Variants in CNTN1 observed in about 807,000 individuals in gnomAD.
The protein encoded by CNTN1 is contactin 1.
A neutral mutation model predicts 126.4 loss-of-function variants in CNTN1; 38 were observed. That is an observed-to-expected ratio of 0.30 (90% CI 0.23 to 0.39). The LOEUF (loss-of-function observed/expected upper bound fraction) is 0.39. CNTN1 is among the 10% of genes least tolerant of loss of function. The pLI is 1.00. For missense variants in CNTN1, 1,009 were observed against 1,248.4 expected (o/e 0.81, Z 2.89); for synonymous variants, 413 against 422.6 (o/e 0.98, Z 0.28).
At chr12:40,975,798 A>G (rs1438562235) in intron 15 of CNTN1, among the ~76,000 whole-genome samples, 1 of 152,192 alleles carries the variant, frequency 6.6e-6, no homozygotes, top group Non-Finnish European at 1.5e-5. Context: ...AATCAAAAAA[A>G]TCAACACTGA....
rs74893121 is a variant in CNTN1, at chr12:41,016,451, C to T, written c.2185-231C>T. On this transcript the variant is annotated intron_variant, in intron 18 of 23. Coordinates refer to ENST00000551295, the MANE Select transcript of CNTN1 (RefSeq NM_001843.4). The stretch of plus-strand genomic sequence containing the variant: ...AGAAGAAACTGAAAGGAAAAAGGCC[C>T]GGAGTGAGAGGCCCCTGAGGTGTTC... 0.079 allele frequency among the ~76,000 whole-genome samples: 11,952 copies of T among 152,026 alleles called. 631 individuals are homozygous for T. The highest frequency in any genetic ancestry group is 0.11 in the Non-Finnish European group (7,238 of 67,956).
intron 1 of CNTN1, among the ~76,000 whole-genome samples, chr12:40,864,909 C>A (rs1236872835): frequency 6.6e-6 from 1 of 152,056 alleles, no homozygotes; most frequent in Non-Finnish European, 1.5e-5. Context: ...GGCAAAGTTA[C>A]CACCAAACTG....
In CNTN1 at chr12:41,059,204, G is replaced by C. The variant is rs74848683; in HGVS notation, c.2981-10755G>C. Among the ~76,000 whole-genome samples, 1,155 of 151,586 alleles carry C rather than the reference G, an allele frequency of 7.6e-3. 11 individuals are homozygous for C. Among genetic ancestry groups the C allele is most frequent in the African/African-American group, 0.027 (1,110 of 40,972 alleles). On this transcript the variant is annotated intron_variant, in intron 23 of 23. Transcript: ENST00000551295. ...CTTAATGCCCTTAATACCAAATACC[G>C]ATCTTAATACCAAATACCAAAATAC...
rs534661685 is a variant in CNTN1 at position 40,767,573 on chromosome 12, G to T, written c.-77+74981G>T. ...TCCGCCCGCCTTGGCCTCCCAAAGT[G>T]CTGGGATTACAGGCATGAGCCACGG... On this transcript the variant is annotated intron_variant, in intron 1 of 23. Coordinates refer to ENST00000551295, the MANE Select transcript of CNTN1 (RefSeq NM_001843.4). 2.6e-5 allele frequency among the ~76,000 whole-genome samples: 4 copies of T among 151,862 alleles called. No homozygotes were observed. In the South Asian group the frequency reaches 8.3e-4, roughly 32 times the overall value.
intron 1 of CNTN1, among the ~76,000 whole-genome samples, chr12:40,862,170 T>C (rs312280): frequency 0.69 from 104,856 of 151,628 alleles, 36,940 homozygotes; most frequent in African/African-American, 0.84. Context: ...TACCACTGCA[T>C]TCCAGTCTGG....
intron 1 of CNTN1, among the ~76,000 whole-genome samples, chr12:40,811,868 G>T (rs747599329): frequency 7.0e-6 from 1 of 143,100 alleles, no homozygotes. Flanking sequence ...ATTTTCTATT[G>T]TTTTTCCATT....
chr12:40,721,430 A>G (rs955110402), intron 1 of CNTN1, among the ~76,000 whole-genome samples: 2 of 152,110 alleles, frequency 1.3e-5, no homozygotes, highest in African/African-American at 4.8e-5. Context: ...TTTCCCTGCC[A>G]AAGAGAAATG....
intron 1 of CNTN1, among the ~76,000 whole-genome samples, chr12:40,736,387 A>G (rs2121286246): frequency 6.6e-6 from 1 of 152,196 alleles, no homozygotes; most frequent in Non-Finnish European, 1.5e-5. Flanking sequence ...AGTATAAGAT[A>G]TGGTTTAAGA....
At chr12:40,923,641 T>C (rs186926856) in intron 5 of CNTN1, among the ~76,000 whole-genome samples, 1 of 152,186 alleles carries the variant, frequency 6.6e-6, no homozygotes, top group African/African-American at 2.4e-5. Flanking sequence ...AAAAACCAAT[T>C]TCAAGGATGG....
At chr12:40,829,019 A>C (rs896573307) in intron 1 of CNTN1, among the ~76,000 whole-genome samples, 6 of 152,202 alleles carry the variant, frequency 3.9e-5, no homozygotes, top group Admixed American at 6.5e-5. Context: ...GACCCACTAC[A>C]TAAGATCCAA....
chr12:40,877,215 T>G (rs751690421), intron 1 of CNTN1, among the ~76,000 whole-genome samples: 1 of 152,202 alleles, frequency 6.6e-6, no homozygotes, highest in Non-Finnish European at 1.5e-5. Flanking sequence ...CAGGCATATT[T>G]AGACAGTTTT....
chr12:40,750,785 G>T (rs531684935), intron 1 of CNTN1, among the ~76,000 whole-genome samples: 2 of 152,158 alleles, frequency 1.3e-5, no homozygotes, highest in East Asian at 3.9e-4. Flanking sequence ...TTATCTTGAG[G>T]ATCTTATGTT....
chr12:40,919,081 T>C (rs1945345901), intron 4 of CNTN1, among the ~76,000 whole-genome samples: 1 of 152,186 alleles, frequency 6.6e-6, no homozygotes, highest in Admixed American at 6.6e-5. Context: ...AAATTATGCA[T>C]AATTTAAATA....
chr12:41,039,968 G>A (rs1311073222), intron 23 of CNTN1, among the ~76,000 whole-genome samples: 3 of 152,064 alleles, frequency 2.0e-5, no homozygotes, highest in Non-Finnish European at 4.4e-5. Context: ...TGGAATCAGT[G>A]TCTCAAAAAT....
rs148883767 is a variant in CNTN1 at position 40,932,299 on chromosome 12, G to T, written c.704-1162G>T. The stretch of plus-strand genomic sequence containing the variant: ...TGAATAAGTCTCATGAGATCTGATG[G>T]TTGTATAAAGGGGAGTTCCCCTGCA... On this transcript the variant is annotated intron_variant, in intron 7 of 23. Coordinates refer to ENST00000551295, the MANE Select transcript of CNTN1 (RefSeq NM_001843.4). Among the ~76,000 whole-genome samples, 495 of 152,028 alleles carry T rather than the reference G, an allele frequency of 3.3e-3. 4 individuals carry two copies. Among genetic ancestry groups the T allele is most frequent in the Non-Finnish European group, 3.8e-3 (257 of 67,928 alleles).
At chr12:40,834,382 T>C (rs1941968119) in intron 1 of CNTN1, among the ~76,000 whole-genome samples, 1 of 152,178 alleles carries the variant, frequency 6.6e-6, no homozygotes, top group Non-Finnish European at 1.5e-5. Context: ...AAATAAACTT[T>C]TGAAAAACTC....
chr12:41,051,966 T>A (rs1949697306), intron 23 of CNTN1, among the ~76,000 whole-genome samples: 1 of 150,282 alleles, frequency 6.7e-6, no homozygotes, highest in South Asian at 2.1e-4. Flanking sequence ...AAATAATCCA[T>A]TCTCTGTGAG....
intron 1 of CNTN1, among the ~76,000 whole-genome samples, chr12:40,799,495 C>G (rs1220661546): frequency 6.6e-6 from 1 of 151,892 alleles, no homozygotes; most frequent in Non-Finnish European, 1.5e-5. Flanking sequence ...TAAAATGTGT[C>G]CCATTTTTTG....
intron 3 of CNTN1, 49 bp downstream of exon 3, chr12:40,910,154 T>A: frequency 2.2e-6 from 3 of 1,353,376 alleles, no homozygotes; most frequent in Non-Finnish European, 3.2e-6. Flanking sequence ...CTCTATTGAA[T>A]CATATTTTAT....
Sources: gnomAD v4.1 joint callset for allele counts (sites outside exome capture counted in the v4.1 genomes callset) on GRCh38, gnomAD v4.1.1 for gene constraint, MANE v1.5 for transcripts, NCBI Gene and HGNC (gene_info 2026-07-23, HGNC 2026-07-21) for gene names.